The following DGKI variants were observed in gnomAD, a reference collection of about 807,000 sequenced individuals.
DGKI encodes the protein diacylglycerol kinase iota, also known as DAG kinase iota.
A neutral mutation model predicts 147.5 loss-of-function variants in DGKI; 55 were observed. The ratio of observed to expected loss-of-function variants is 0.37; its 90% CI spans 0.30 to 0.47. DGKI has a LOEUF of 0.47. DGKI is among the 20% of genes least tolerant of loss of function. The pLI is 1.00. For missense variants in DGKI, 1,007 were observed against 1,323.8 expected (o/e 0.76, Z 3.71); for synonymous variants, 469 against 477.1 (o/e 0.98, Z 0.22).
At chr7:137,496,399 G>T (rs1479669951) in intron 21 of DGKI, among the ~76,000 whole-genome samples, 1 of 151,970 alleles carries the variant, frequency 6.6e-6, no homozygotes, top group Non-Finnish European at 1.5e-5. Flanking sequence ...GCAATTTACA[G>T]ACTCAATGCT....
chr7:137,540,457 C>G (rs948809776), intron 20 of DGKI, among the ~76,000 whole-genome samples: 1 of 152,100 alleles, frequency 6.6e-6, no homozygotes, highest in African/African-American at 2.4e-5. Flanking sequence ...TGCTACCAAA[C>G]TCCTAGAACT....
chr7:137,611,426 C>T (rs188391981), intron 8 of DGKI, among the ~76,000 whole-genome samples: 1 of 152,196 alleles, frequency 6.6e-6, no homozygotes, highest in African/African-American at 2.4e-5. Context: ...GTTTACCAGG[C>T]AACTCTATCA....
chr7:137,401,157 T>C (rs1168051369), intron 30 of DGKI, among the ~76,000 whole-genome samples: 2 of 152,044 alleles, frequency 1.3e-5, no homozygotes, highest in Non-Finnish European at 2.9e-5. Flanking sequence ...GTAGAAACAA[T>C]AACACCTGTG....
intron 30 of DGKI, among the ~76,000 whole-genome samples, chr7:137,406,642 G>A (rs1428313072): frequency 2.0e-5 from 3 of 152,136 alleles, no homozygotes; most frequent in African/African-American, 7.2e-5. Context: ...GTCAAATGAC[G>A]GGATGTGTTT....
intron 6 of DGKI, among the ~76,000 whole-genome samples, chr7:137,630,365 C>T (rs1322870948): frequency 1.3e-5 from 2 of 152,126 alleles, no homozygotes; most frequent in Non-Finnish European, 2.9e-5. Flanking sequence ...GCCAATCACC[C>T]CCATCATCCT....
chr7:137,423,196 C>T lies in DGKI; in HGVS notation c.2762-10989G>A, dbSNP rs1160944856. ...AAGAACTAATAAAGTCCTTATTTTC[C>T]CCACAAATGAGAGGAAGGTGCCATG... is the stretch of plus-strand genomic sequence containing the variant. On this transcript the variant is annotated intron_variant, in intron 28 of 32. Transcript: ENST00000614521. Among the ~76,000 whole-genome samples the T allele has an allele frequency of 2.0e-5, 3 of 152,160 alleles. No homozygotes were observed. The East Asian group carries it at 5.8e-4, about 29-fold the overall frequency.
intron 5 of DGKI, among the ~76,000 whole-genome samples, chr7:137,651,107 G>A (rs1193415558): frequency 6.6e-6 from 1 of 152,140 alleles, no homozygotes; most frequent in African/African-American, 2.4e-5. Context: ...ATTATATTAG[G>A]CTGGCTCAAA....
intron 20 of DGKI, among the ~76,000 whole-genome samples, chr7:137,540,785 AAAAC>A (rs1817671587): frequency 1.6e-4 from 22 of 138,724 alleles, no homozygotes; most frequent in African/African-American, 3.8e-4. Flanking sequence ...AAAAAAAAAA[AAAAC>A]ATTTACAATG....
At chr7:137,664,690 G>A (rs1822572693) in intron 3 of DGKI, among the ~76,000 whole-genome samples, 1 of 152,152 alleles carries the variant, frequency 6.6e-6, no homozygotes, top group South Asian at 2.1e-4. Context: ...CAGGAGTGGA[G>A]AGAAAACAGA....
chr7:137,772,012 CTG>C (rs1250590757), intron 1 of DGKI: 4 of 152,232 alleles, frequency 2.6e-5, no homozygotes, highest in African/African-American at 9.6e-5. Context: ...CTGCTCTACA[CTG>C]TGTGCATTCG....
At chr7:137,757,136 G>C (rs1188767449) in intron 1 of DGKI, among the ~76,000 whole-genome samples, 1 of 151,912 alleles carries the variant, frequency 6.6e-6, no homozygotes, top group East Asian at 1.9e-4. Context: ...GGTGCCCTGG[G>C]TACCAACACT....
At chr7:137,439,383 G>T (rs1442572253) in intron 28 of DGKI, among the ~76,000 whole-genome samples, 1 of 152,148 alleles carries the variant, frequency 6.6e-6, no homozygotes, top group Non-Finnish European at 1.5e-5. Flanking sequence ...GTTCCATATG[G>T]CTGGGGAGGC....
chr7:137,541,141 T>C (rs1266971164), intron 20 of DGKI, among the ~76,000 whole-genome samples: 2 of 152,210 alleles, frequency 1.3e-5, no homozygotes, highest in Non-Finnish European at 2.9e-5. Context: ...TAAGAGTTAC[T>C]ATAAAGGTAC....
chr7:137,666,262 G>A (rs1228431466), intron 3 of DGKI, among the ~76,000 whole-genome samples: 1 of 152,178 alleles, frequency 6.6e-6, no homozygotes, highest in Non-Finnish European at 1.5e-5. Context: ...GGCTTCAACA[G>A]AAATCTACAG....
rs991649625 is a variant in DGKI, at chr7:137,584,705, T to C, written c.1563+504A>G. Among the ~76,000 whole-genome samples, 66 of 151,556 alleles carry C rather than the reference T, an allele frequency of 4.4e-4. 1 individual carries two copies. Among genetic ancestry groups the C allele is most frequent in the Non-Finnish European group, 6.6e-4 (45 of 67,876 alleles). ...AGTTTGAATCTAAAATAAAAGTCAA[T>C]TTTTTTTTAAATAACATGAAGTCAA... On this transcript the variant is annotated intron_variant, in intron 14 of 32. Transcript: ENST00000614521.
chr7:137,441,810 A>T (rs1336593982), intron 28 of DGKI, among the ~76,000 whole-genome samples: 2 of 152,198 alleles, frequency 1.3e-5, no homozygotes, highest in Non-Finnish European at 2.9e-5. Context: ...TTTTCTACCA[A>T]TAAATTTGAG....
At chr7:137,600,521 T>A (rs1819952100) in intron 10 of DGKI, among the ~76,000 whole-genome samples, 1 of 152,136 alleles carries the variant, frequency 6.6e-6, no homozygotes, top group South Asian at 2.1e-4. Flanking sequence ...GAGAAGTACA[T>A]CACAGTGTTT....
At chr7:137,576,635 C>A (rs1818988052) in intron 17 of DGKI, among the ~76,000 whole-genome samples, 1 of 152,096 alleles carries the variant, frequency 6.6e-6, no homozygotes, top group Non-Finnish European at 1.5e-5. Context: ...TTTCCGCAAC[C>A]TGATATAGAG....
rs191436280 is a variant in DGKI, at chr7:137,389,586, C to T, written c.*1634G>A. 3 of 152,310 alleles carry T rather than the reference C, an allele frequency of 2.0e-5. No homozygotes were observed. The highest frequency in any genetic ancestry group is 6.5e-5 in the Admixed American group (1 of 15,302). The allele number at this position is 152,310 out of a possible 1,614,324, so 9.4% of individuals were successfully genotyped here. A position where few individuals can be genotyped will look rare whatever the true frequency, so the allele number is the denominator to read the frequency against. ...ACAAAATGAAAATAAGCTCAGGAGACGTCAGATTTCGCCAAAAGTAAAATC... is the reference window on the plus strand; with the variant it reads ...ACAAAATGAAAATAAGCTCAGGAGATGTCAGATTTCGCCAAAAGTAAAATC... On this transcript the variant is annotated 3_prime_UTR_variant, in exon 33 of 33. Coordinates refer to ENST00000614521, the MANE Select transcript of DGKI (RefSeq NM_001321708.2).
Sources: gnomAD v4.1 joint callset for allele counts (sites outside exome capture counted in the v4.1 genomes callset) on GRCh38, gnomAD v4.1.1 for gene constraint, MANE v1.5 for transcripts, NCBI Gene and HGNC (gene_info 2026-07-23, HGNC 2026-07-21) for gene names.